Variants in ARFGEF2 observed in about 807,000 individuals in gnomAD.
The protein encoded by ARFGEF2 is brefeldin A-inhibited guanine nucleotide-exchange protein 2.
Under a neutral mutation model 219.9 loss-of-function variants are expected in ARFGEF2, and 74 were observed. That is an observed-to-expected ratio of 0.34 (90% confidence interval 0.28 to 0.41). ARFGEF2 has a LOEUF of 0.41. ARFGEF2 is among the 10% of genes least tolerant of loss of function. The pLI is 1.00. For synonymous variants in ARFGEF2, 733 were observed against 799.2 expected (o/e 0.92, Z 1.40); for missense variants, 1,743 against 2,218.3 (o/e 0.79, Z 4.30).
chr20:49,032,597 C>CTT (rs1360930552), intron 38 of ARFGEF2, among the ~76,000 whole-genome samples: 6 of 144,596 alleles, frequency 4.1e-5, no homozygotes, highest in African/African-American at 1.0e-4. Flanking sequence ...TCTTCAACTT[C>CTT]TTTTTTTTTT....
chr20:49,032,102 G>T lies in ARFGEF2; in HGVS notation c.5117G>T (p.Arg1706Leu), dbSNP rs201225495. 1 of 1,613,858 alleles carries T rather than the reference G, an allele frequency of 6.2e-7. No homozygotes were observed. The highest frequency in any genetic ancestry group is 8.5e-7 in the Non-Finnish European group (1 of 1,180,002). Residue 1706 changes from arginine (R) to leucine (L), a missense_variant, in exon 38 of 39, where the codon CGG becomes CTG. Around this residue, in one of 5 missense-constraint regions of ARFGEF2, gnomAD observed 578 missense variants for 664.0 expected, o/e 0.87. Coordinates refer to ENST00000371917, the MANE Select transcript of ARFGEF2 (RefSeq NM_006420.3). ...YFITVNSESH[R>L]EAWTSLLLLL... ...ATCACTGTGAATTCTGAGAGCCATC[G>T]GGAGGCCTGGACAAGTCTCTTGTTG...
Position 48,994,618 on chromosome 20 carries a change from A to G in ARFGEF2, c.3121+20A>G. 6.2e-7 allele frequency: 1 copy of G among 1,612,864 alleles called. No homozygotes were observed. The highest frequency in any genetic ancestry group is 1.7e-5 in the Admixed American group (1 of 60,014). ...GCCTCGGTAAGACACCAGGCCCCAC[A>G]GCTAACAGTCACGGATTTGCAAGCT... On this transcript the variant is annotated intron_variant, in intron 22 of 38. Coordinates refer to ENST00000371917, the MANE Select transcript of ARFGEF2 (RefSeq NM_006420.3).
At chr20:48,937,314 A>G (rs1448025438) in intron 1 of ARFGEF2, among the ~76,000 whole-genome samples, 2 of 152,198 alleles carry the variant, frequency 1.3e-5, no homozygotes, top group Non-Finnish European at 2.9e-5. Flanking sequence ...CAGCCCCTCC[A>G]TGGGCTTCCT....
chr20:49,014,040 A>G, intron 30 of ARFGEF2, 80 bp downstream of exon 30: 1 of 1,578,996 alleles, frequency 6.3e-7, no homozygotes, highest in Non-Finnish European at 8.7e-7. Context: ...TGGGGGCTGC[A>G]TCATCGTCTA....
chr20:49,026,784 C>T (rs1242618995), intron 36 of ARFGEF2, among the ~76,000 whole-genome samples: 3 of 151,938 alleles, frequency 2.0e-5, no homozygotes, highest in Admixed American at 6.6e-5. Context: ...CAGGGTTTCA[C>T]CATGTTGGCC....
rs555863809 is a variant in ARFGEF2 at position 48,979,666 on chromosome 20, C to G, written c.1958+3467C>G. ...CTCAATTTCAGAGCCTGTTATTGGT[C>G]TATTCAGGGATTCAACTTCTTCCTG... On this transcript the variant is annotated intron_variant, in intron 14 of 38. Coordinates refer to ENST00000371917, the MANE Select transcript of ARFGEF2 (RefSeq NM_006420.3). 2.0e-5 allele frequency among the ~76,000 whole-genome samples: 3 copies of G among 152,224 alleles called. No individual in the cohort carries two copies. The East Asian group carries it at 5.8e-4, about 29-fold the overall frequency.
intron 1 of ARFGEF2, among the ~76,000 whole-genome samples, chr20:48,925,881 CATT>C (rs1600580067): frequency 6.6e-6 from 1 of 152,018 alleles, no homozygotes; most frequent in Non-Finnish European, 1.5e-5. Flanking sequence ...TACTAGTTGT[CATT>C]ATTCTCAGCC....
chr20:48,973,322 A>G (rs2091239960), intron 12 of ARFGEF2, 38 bp downstream of exon 12: 4 of 1,609,052 alleles, frequency 2.5e-6, no homozygotes, highest in Admixed American at 1.7e-5. Context: ...ATTAAAGTTT[A>G]TTCATTCCAA....
intron 1 of ARFGEF2, among the ~76,000 whole-genome samples, chr20:48,935,326 T>TTAA (rs2123292620): frequency 6.6e-6 from 1 of 152,252 alleles, no homozygotes; most frequent in Non-Finnish European, 1.5e-5. Flanking sequence ...AAGCATCTGT[T>TTAA]TAACAAAGCA....
chr20:48,987,203 C>T (rs2058931204), intron 16 of ARFGEF2, among the ~76,000 whole-genome samples: 3 of 152,186 alleles, frequency 2.0e-5, no homozygotes, highest in African/African-American at 7.2e-5. Context: ...AACGTATCTC[C>T]TATGTGGACC....
At chr20:48,928,192 CTTTTT>C (rs747462352) in intron 1 of ARFGEF2, among the ~76,000 whole-genome samples, 3 of 104,766 alleles carry the variant, frequency 2.9e-5, no homozygotes, top group South Asian at 3.0e-4. Flanking sequence ...GTGTTGCAAT[CTTTTT>C]TTTTTTTTTT....
rs781607051 is a variant in ARFGEF2 at position 48,994,531 on chromosome 20, G to A, written c.3054G>A (p.Gly1018=). 5.6e-6 allele frequency: 9 copies of A among 1,613,998 alleles called. No homozygotes were observed. Among genetic ancestry groups the A allele is most frequent in the Middle Eastern group, 1.6e-4 (1 of 6,084 alleles). Residue 1018 remains glycine (G), a synonymous_variant, in exon 22 of 39, where the codon GGG becomes GGA. Coordinates refer to ENST00000371917, the MANE Select transcript of ARFGEF2 (RefSeq NM_006420.3). ...AGACGCGCTACCTGTCTGGATCTGG[G>A]CGTGAAAGAGAAGGGAGCCTGAAGG... ...GVKTRYLSGS[G]REREGSLKGH... is the part of the protein sequence containing the mutation.
chr20:48,939,919 AT>A (rs1342467551), intron 1 of ARFGEF2, among the ~76,000 whole-genome samples: 1 of 152,150 alleles, frequency 6.6e-6, no homozygotes, highest in Non-Finnish European at 1.5e-5. Flanking sequence ...CTCTCTAGAG[AT>A]TGTGTAAAGG....
intron 37 of ARFGEF2, 137 bp from the exon 38 acceptor site, chr20:49,031,912 T>C: frequency 2.7e-6 from 2 of 752,684 alleles, no homozygotes; most frequent in Non-Finnish European, 4.6e-6. Context: ...AGCAAGACCC[T>C]GTCTCAAAAA....
At chr20:48,936,832 T>C (rs966050484) in intron 1 of ARFGEF2, among the ~76,000 whole-genome samples, 3 of 152,014 alleles carry the variant, frequency 2.0e-5, no homozygotes, top group Admixed American at 6.5e-5. Context: ...GGGCCTTGAT[T>C]TACGTTTCTC....
intron 1 of ARFGEF2, among the ~76,000 whole-genome samples, chr20:48,931,390 TG>T (rs1194401044): frequency 6.6e-6 from 1 of 152,092 alleles, no homozygotes. Flanking sequence ...TCTCAGTACT[TG>T]GGAATTCAGC....
chr20:48,981,700 A>G (rs750089077), intron 14 of ARFGEF2, among the ~76,000 whole-genome samples: 4 of 151,970 alleles, frequency 2.6e-5, no homozygotes, highest in Non-Finnish European at 4.4e-5. Flanking sequence ...TTTTTTCTGT[A>G]AACTTCTCTT....
rs1334789137 is a variant in ARFGEF2 at position 48,971,324 on chromosome 20, C to G, written c.1395C>G (p.Asn465Lys). Residue 465 changes from asparagine to lysine, a missense_variant, in exon 10 of 39, where the codon AAC (asparagine) becomes AAG (lysine). This residue lies in a region of ARFGEF2 where 666 missense variants were observed against 955.4 expected (regional missense o/e 0.70). Coordinates refer to ENST00000371917, the MANE Select transcript of ARFGEF2 (RefSeq NM_006420.3). ...SLAIFLTLLS[N>K]FKMHLKMQIE... ...CCATTTTTCTTACTCTTCTTTCAAA[C>G]TTTAAAATGCACTTGAAAATGCAGA... 1 of 1,614,078 alleles carries G rather than the reference C, an allele frequency of 6.2e-7. No individual in the cohort carries two copies. The highest frequency in any genetic ancestry group is 8.5e-7 in the Non-Finnish European group (1 of 1,180,046).
Position 49,013,651 on chromosome 20 carries a change from C to G in ARFGEF2, c.4006C>G (p.Leu1336Val), listed in dbSNP as rs1230479686. 3 of 1,614,072 alleles carry G rather than the reference C, an allele frequency of 1.9e-6. No homozygotes were observed. Among genetic ancestry groups the G allele is most frequent in the Non-Finnish European group, 2.5e-6 (3 of 1,180,044 alleles). The change falls in exon 29 of 39, where the codon CTC (leucine) becomes GTC (valine). Residue 1336 changes from leucine (L) to valine (V), a missense_variant. Leu to Val is a conservative substitution (Grantham distance 32, BLOSUM62 1). Around this residue, in one of 5 missense-constraint regions of ARFGEF2, gnomAD observed 578 missense variants for 664.0 expected, o/e 0.87. Transcript: ENST00000371917. The stretch of plus-strand genomic sequence containing the variant: ...AGGCTGGTTCCCCATCTTATTCGAA[C>G]TCTCCTGCATCATTAATAGATGCAA... ...VRGWFPILFE[L>V]SCIINRCKLD...
Sources: allele counts gnomAD v4.1 joint callset (sites outside exome capture counted in the v4.1 genomes callset), GRCh38; gene constraint gnomAD v4.1.1; regional missense constraint gnomAD v4.1.1; transcripts MANE v1.5; gene names NCBI Gene and HGNC (gene_info 2026-07-23, HGNC 2026-07-21).